EXOC5: variants seen among roughly 807,000 people sequenced by gnomAD.
The protein encoded by EXOC5 is SEC10-like 1.
Under a neutral mutation model 90.8 loss-of-function variants are expected in EXOC5, and 17 were observed. The ratio of observed to expected loss-of-function variants is 0.19; its 90% CI spans 0.13 to 0.28. The LOEUF (loss-of-function observed/expected upper bound fraction) is 0.28. Among genes scored for constraint, EXOC5 ranks in the 10% least tolerant of loss-of-function variants. The probability of loss-of-function intolerance (pLI) is 1.00; values close to 1 mark genes in which losing one functional copy is unlikely to be tolerated. For missense variants in EXOC5, 569 were observed against 830.6 expected (o/e 0.69, Z 3.87); for synonymous variants, 260 against 270.0 (o/e 0.96, Z 0.36).
intron 12 of EXOC5, among the ~76,000 whole-genome samples, chr14:57,224,030 A>G (rs1331083265): frequency 1.3e-5 from 2 of 152,210 alleles, no homozygotes; most frequent in Non-Finnish European, 2.9e-5. Flanking sequence ...AAAACACAAC[A>G]TACAAAAATT....
chr14:57,233,630 T>A, intron 9 of EXOC5, 113 bp downstream of exon 9: 3 of 647,996 alleles, frequency 4.6e-6, no homozygotes, highest in Non-Finnish European at 7.9e-6. Context: ...ACTAGATTAC[T>A]ATTTCTAAGG....
At chr14:57,266,667 C>A (rs939075964) in intron 1 of EXOC5, among the ~76,000 whole-genome samples, 3 of 150,886 alleles carry the variant, frequency 2.0e-5, no homozygotes, top group African/African-American at 7.3e-5. Flanking sequence ...TAACTAGAGT[C>A]ACTAAATTAC....
chr14:57,265,101 C>T (rs1223504683), intron 1 of EXOC5, among the ~76,000 whole-genome samples: 1 of 150,954 alleles, frequency 6.6e-6, no homozygotes, highest in African/African-American at 2.4e-5. Flanking sequence ...ACAGACTATG[C>T]TCATTTCCAT....
chr14:57,210,008 T>C lies in EXOC5; in HGVS notation c.1667A>G (p.Lys556Arg). ...ATCTTCTGGCTTAAAATCTGTTTTCTTCTGTTCTGCAGCCAAAATATGCTT... is the reference window on the plus strand; with the variant it reads ...ATCTTCTGGCTTAAAATCTGTTTTCCTCTGTTCTGCAGCCAAAATATGCTT... ...QMKHILAAEQ[K>R]KTDFKPEDEN... The change falls in exon 16 of 18, where the codon AAG (lysine) becomes AGG (arginine). Residue 556 changes from lysine (K) to arginine (R), a missense_variant. Coordinates refer to ENST00000621441, the MANE Select transcript of EXOC5 (RefSeq NM_006544.4). 5.6e-6 allele frequency: 9 copies of C among 1,600,238 alleles called. No homozygotes were observed. Among genetic ancestry groups the C allele is most frequent in the Non-Finnish European group, 7.7e-6 (9 of 1,170,250 alleles).
rs532088417 is a variant in EXOC5 at position 57,235,635 on chromosome 14, CAG to C, written c.669+74_669+75del. On this transcript the variant is annotated intron_variant, in intron 7 of 17. Coordinates refer to ENST00000621441, the MANE Select transcript of EXOC5 (RefSeq NM_006544.4). ...TAGTTACATAATGAATGGGGGAAAT[CAG>C]AGACTATAATATATAGAACTTACGT... The C allele has an allele frequency of 8.2e-4, 597 of 725,512 alleles. 10 individuals are homozygous for C. The South Asian group carries it at 9.6e-3, about 12-fold the overall frequency. 44.9% of individuals were successfully genotyped at this position (725,512 alleles called of 1,614,324 possible).
At chr14:57,209,892 C>T (rs907520880) in intron 16 of EXOC5, 61 bp downstream of exon 16, 2 of 1,169,134 alleles carry the variant, frequency 1.7e-6, no homozygotes, top group Non-Finnish European at 1.2e-6. Context: ...ATCTAGGGCA[C>T]AGTAGGATAC....
rs373699481 is a variant in EXOC5 at position 57,234,543 on chromosome 14, A to G, written c.670-511T>C. ...TGTGTGTGTGTGTGTGTGTGTATAT[A>G]TATATATATGTGTATATATATATTT... On this transcript the variant is annotated intron_variant, in intron 7 of 17. Coordinates refer to ENST00000621441, the MANE Select transcript of EXOC5 (RefSeq NM_006544.4). Among the ~76,000 whole-genome samples, 1,240 of 144,624 alleles carry G rather than the reference A, an allele frequency of 8.6e-3. 21 individuals are homozygous for G. Among genetic ancestry groups the G allele is most frequent in the African/African-American group, 0.03 (1,161 of 38,656 alleles). 94.9% of individuals were successfully genotyped at this position (144,624 alleles called of 152,430 possible).
At chr14:57,218,966 G>A (rs1189159732) in intron 14 of EXOC5, among the ~76,000 whole-genome samples, 2 of 151,970 alleles carry the variant, frequency 1.3e-5, no homozygotes, top group Non-Finnish European at 2.9e-5. Flanking sequence ...ATTATAACAA[G>A]TGGGTACATG....
intron 1 of EXOC5, among the ~76,000 whole-genome samples, chr14:57,259,173 A>C (rs1041859012): frequency 2.0e-5 from 3 of 151,972 alleles, no homozygotes; most frequent in African/African-American, 7.3e-5. Flanking sequence ...GCAGTGGTAC[A>C]ATCTCGGCTC....
chr14:57,263,104 G>A (rs1884564540), intron 1 of EXOC5, among the ~76,000 whole-genome samples: 1 of 152,112 alleles, frequency 6.6e-6, no homozygotes, highest in African/African-American at 2.4e-5. Context: ...CATTAAAATT[G>A]TCTGTCTCCC....
intron 4 of EXOC5, chr14:57,243,297 A>G (rs1407409686): frequency 6.6e-6 from 1 of 152,198 alleles, no homozygotes; most frequent in Non-Finnish European, 1.5e-5. Context: ...ACACATAACT[A>G]TTTTCCAAAG....
chr14:57,246,852 T>C lies in EXOC5; in HGVS notation c.129A>G (p.Leu43=). The part of the protein sequence containing the change: ...GPEAFDPKRL[L]EEFVNHIQEL... ...CCTGAATATGATTTACAAATTCTTCTAATAATCTAACAGAGGAAAGTTTGA... is the reference window on the plus strand; with the variant it reads ...CCTGAATATGATTTACAAATTCTTCCAATAATCTAACAGAGGAAAGTTTGA... The change falls in exon 3 of 18, where the codon TTA becomes TTG. Residue 43 remains leucine (L), a synonymous_variant. Transcript: ENST00000621441. 2 of 1,567,736 alleles carry C rather than the reference T, an allele frequency of 1.3e-6. No individual in the cohort carries two copies. The highest frequency in any genetic ancestry group is 1.1e-5 in the South Asian group (1 of 88,200).
chr14:57,258,017 T>A (rs968799583), intron 1 of EXOC5, among the ~76,000 whole-genome samples: 1 of 152,224 alleles, frequency 6.6e-6, no homozygotes, highest in African/African-American at 2.4e-5. Context: ...TACTACCATA[T>A]GAAATTTAGC....
At chr14:57,257,776 C>T (rs1041316213) in intron 1 of EXOC5, among the ~76,000 whole-genome samples, 3 of 152,084 alleles carry the variant, frequency 2.0e-5, no homozygotes, top group African/African-American at 4.8e-5. Context: ...GCTGCAAAGG[C>T]GCTTACAGTG....
intron 12 of EXOC5, among the ~76,000 whole-genome samples, chr14:57,228,404 C>T (rs1883376940): frequency 6.6e-6 from 1 of 152,082 alleles, no homozygotes; most frequent in Admixed American, 6.6e-5. Flanking sequence ...CACATGCACA[C>T]GTATGTTTAC....
chr14:57,227,941 T>TACACAC, intron 12 of EXOC5, among the ~76,000 whole-genome samples: 1 of 123,086 alleles, frequency 8.1e-6, no homozygotes, highest in South Asian at 2.2e-4. Context: ...CATACATATA[T>TACACAC]ATATACACAC....
At chr14:57,232,024 T>G (rs1028727282) in intron 10 of EXOC5, 11 of 244,118 alleles carry the variant, frequency 4.5e-5, no homozygotes, top group African/African-American at 1.4e-4. Context: ...CTAATGCCAT[T>G]CATCACATGG....
chr14:57,254,076 A>T (rs1884272040), intron 1 of EXOC5, among the ~76,000 whole-genome samples: 1 of 152,204 alleles, frequency 6.6e-6, no homozygotes, highest in African/African-American at 2.4e-5. Context: ...CAATTCAAAA[A>T]TGGGCTAAGG....
intron 6 of EXOC5, among the ~76,000 whole-genome samples, chr14:57,236,129 A>T (rs1347643999): frequency 6.6e-6 from 1 of 152,154 alleles, no homozygotes; most frequent in Admixed American, 6.5e-5. Context: ...TATTTCTGAT[A>T]GCAACACACA....
Sources: gnomAD v4.1 joint callset for allele counts (sites outside exome capture counted in the v4.1 genomes callset) on GRCh38, gnomAD v4.1.1 for gene constraint, MANE v1.5 for transcripts, NCBI Gene and HGNC (gene_info 2026-07-23, HGNC 2026-07-21) for gene names.